SYCP2L: variants seen among roughly 807,000 people sequenced by gnomAD.
The protein encoded by SYCP2L is synaptonemal complex protein 2 like.
A neutral mutation model predicts 125.8 loss-of-function variants in SYCP2L; 98 were observed. That is an observed-to-expected ratio of 0.78 (90% CI 0.66 to 0.92). The LOEUF is 0.92. Among genes scored for constraint, SYCP2L ranks in the 40% least tolerant of loss-of-function variants. The probability of loss-of-function intolerance (pLI) is 0.00; values close to 1 mark genes in which losing one functional copy is unlikely to be tolerated. For synonymous variants in SYCP2L, 317 were observed against 325.4 expected (o/e 0.97, Z 0.28); for missense variants, 842 against 936.4 (o/e 0.90, Z 1.32).
chr6:10,931,990 CTTTTTTTTTT>C (rs70991076), intron 20 of SYCP2L, among the ~76,000 whole-genome samples: 4 of 116,450 alleles, frequency 3.4e-5, no homozygotes, highest in Non-Finnish European at 6.7e-5. Context: ...GATTGAGGGT[CTTTTTTTTTT>C]TTTTTTTAAC....
chr6:10,910,166 A>G lies in SYCP2L; in HGVS notation c.838A>G (p.Asn280Asp). 6.2e-7 allele frequency: 1 copy of G among 1,613,810 alleles called. No homozygotes were observed. Among genetic ancestry groups the G allele is most frequent in the Non-Finnish European group, 8.5e-7 (1 of 1,179,912 alleles). Residue 280 changes from asparagine to aspartate, a missense_variant, in exon 11 of 30, where the codon AAT (asparagine) becomes GAT (aspartate). By Grantham distance (23) the Asn-to-Asp change is conservative (BLOSUM62 1). Transcript: ENST00000283141. ...TTTGAAGGACAGTAGACGTTTTCTC[A>G]ATCACCTAAACAACAGACTTGGTGA... ...EFETDSRRFL[N>D]HLNNRLGDQR...
chr6:10,961,836 T>C (rs750367308), intron 28 of SYCP2L, among the ~76,000 whole-genome samples: 8 of 152,198 alleles, frequency 5.3e-5, no homozygotes, highest in Non-Finnish European at 1.2e-4. Context: ...AAAATTAAAA[T>C]GGTTAGATTT....
intron 29 of SYCP2L, among the ~76,000 whole-genome samples, chr6:10,965,749 T>G (rs549353057): frequency 6.6e-6 from 1 of 152,230 alleles, no homozygotes; most frequent in African/African-American, 2.4e-5. Flanking sequence ...AATTTTAACA[T>G]AAATCTTGCA....
Position 10,924,513 on chromosome 6 carries a change from ATATT to A in SYCP2L, c.1094_1097del (p.Phe365SerfsTer4). On this transcript the variant is annotated frameshift_variant, in exon 15 of 30. Coordinates refer to ENST00000283141, the MANE Select transcript of SYCP2L (RefSeq NM_001040274.3). LOFTEE classifies it high-confidence loss of function. ...TCTCTTAGAAACGGAGAAGATAAAG[ATATT>A]TATCATTTACCTGAAGAAGCCCATG... 3 of 1,585,600 alleles carry A rather than the reference ATATT, an allele frequency of 1.9e-6. No individual in the cohort carries two copies. The highest frequency in any genetic ancestry group is 2.6e-6 in the Non-Finnish European group (3 of 1,171,666).
intron 29 of SYCP2L, among the ~76,000 whole-genome samples, chr6:10,968,881 TGCTGAATGGTCCATCA>T (rs1781721509): frequency 6.6e-6 from 1 of 152,216 alleles, no homozygotes; most frequent in Non-Finnish European, 1.5e-5. Context: ...CCCTGTGTTC[TGCTGAATGGTCCATCA>T]GCTGATGGTG....
At chr6:10,935,300 C>T in intron 21 of SYCP2L, 113 bp downstream of exon 21, 3 of 1,122,052 alleles carry the variant, frequency 2.7e-6, no homozygotes, top group South Asian at 1.5e-5. Context: ...ATGAAGATAA[C>T]ATTGTTCTTT....
At chr6:10,965,749 T>A (rs549353057) in intron 29 of SYCP2L, among the ~76,000 whole-genome samples, 1 of 152,348 alleles carries the variant, frequency 6.6e-6, no homozygotes, top group East Asian at 1.9e-4. Context: ...AATTTTAACA[T>A]AAATCTTGCA....
At chr6:10,956,801 T>C (rs1363263685) in intron 25 of SYCP2L, among the ~76,000 whole-genome samples, 1 of 151,960 alleles carries the variant, frequency 6.6e-6, no homozygotes, top group Non-Finnish European at 1.5e-5. Context: ...ATATCAATCA[T>C]GTGTATACCT....
intron 23 of SYCP2L, among the ~76,000 whole-genome samples, chr6:10,950,342 C>A (rs2113394698): frequency 6.6e-6 from 1 of 152,180 alleles, no homozygotes; most frequent in Middle Eastern, 3.4e-3. Flanking sequence ...ATTCTTCTGA[C>A]CCTTTGGCTG....
intron 16 of SYCP2L, among the ~76,000 whole-genome samples, 179 bp from the exon 17 acceptor site, chr6:10,927,061 G>A (rs1047253190): frequency 2.6e-5 from 4 of 152,284 alleles, no homozygotes; most frequent in African/African-American, 7.2e-5. Flanking sequence ...GATTACAGAC[G>A]TGAGCCAACA....
chr6:10,895,022 G>A (rs551948721), intron 4 of SYCP2L, among the ~76,000 whole-genome samples: 1 of 152,328 alleles, frequency 6.6e-6, no homozygotes, highest in African/African-American at 2.4e-5. Context: ...CCCCTCAGGA[G>A]AGAAAGCAAA....
Position 10,955,340 on chromosome 6 carries a change from A to T in SYCP2L, c.2056+123A>T, listed in dbSNP as rs141981509. ...AGATCATAGTAGCTACAAAATCCTA[A>T]AAACTAAGCTTTTGTGCTTTTGGAG... On this transcript the variant is annotated intron_variant, in intron 24 of 29. Coordinates refer to ENST00000283141, the MANE Select transcript of SYCP2L (RefSeq NM_001040274.3). 519 of 601,178 alleles carry T rather than the reference A, an allele frequency of 8.6e-4. 5 individuals carry two copies. In the Admixed American group the frequency reaches 0.013, roughly 15 times the overall value. 37.2% of individuals were successfully genotyped at this position (601,178 alleles called of 1,614,324 possible).
chr6:10,898,900 A>G, intron 6 of SYCP2L, 52 bp downstream of exon 6: 1 of 1,106,894 alleles, frequency 9.0e-7, no homozygotes, highest in African/African-American at 1.6e-5. Flanking sequence ...TTAATAGAAT[A>G]TTCTGGCACA....
chr6:10,952,720 C>T (rs1210207800), intron 23 of SYCP2L, among the ~76,000 whole-genome samples: 2 of 152,140 alleles, frequency 1.3e-5, no homozygotes, highest in Non-Finnish European at 2.9e-5. Flanking sequence ...GCGGTATAGA[C>T]ACCACAGAAG....
rs760522715 is a variant in SYCP2L, at chr6:10,887,113, G to T, written c.-14G>T. The T allele has an allele frequency of 3.7e-6, 6 of 1,613,998 alleles. No homozygotes were observed. On this transcript the variant is annotated 5_prime_UTR_variant, in exon 1 of 30. Transcript: ENST00000283141. ...CTGAGCGGCGCGTCGCTTCAGGAAC[G>T]AAGAAGCCTCGTTATGCAAGCGGTG...
intron 20 of SYCP2L, among the ~76,000 whole-genome samples, chr6:10,931,857 C>T (rs372580362): frequency 6.6e-6 from 1 of 151,386 alleles, no homozygotes; most frequent in East Asian, 2.0e-4. Flanking sequence ...CCCAGCTACG[C>T]AGGAGGCTGA....
chr6:10,927,852 C>T (rs934407797), intron 17 of SYCP2L, among the ~76,000 whole-genome samples: 1 of 152,126 alleles, frequency 6.6e-6, no homozygotes, highest in African/African-American at 2.4e-5. Flanking sequence ...ATGGTCACAC[C>T]CAAGGGGGCC....
chr6:10,933,480 G>T (rs1356458834), intron 20 of SYCP2L, among the ~76,000 whole-genome samples: 1 of 152,186 alleles, frequency 6.6e-6, no homozygotes, highest in Non-Finnish European at 1.5e-5. Flanking sequence ...GCTGGGTCCT[G>T]TCCCTAGAGT....
intron 21 of SYCP2L, among the ~76,000 whole-genome samples, chr6:10,937,961 A>T (rs74290108): frequency 0.044 from 6,716 of 152,276 alleles, 337 homozygotes; most frequent in East Asian, 0.22. Flanking sequence ...AGACGGTTTC[A>T]CTGGTGAACT....
Sources: gnomAD v4.1 joint callset for allele counts (sites outside exome capture counted in the v4.1 genomes callset) on GRCh38, gnomAD v4.1.1 for gene constraint, MANE v1.5 for transcripts, NCBI Gene and HGNC (gene_info 2026-07-23, HGNC 2026-07-21) for gene names.